Variants in PCM1 observed in about 807,000 individuals in gnomAD.
PCM1 encodes pericentriolar material 1, also known as pericentriolar material 1 protein.
Under a neutral mutation model 241.9 loss-of-function variants are expected in PCM1, and 157 were observed. The observed-to-expected ratio is 0.65, with a 90% CI of 0.57 to 0.74. The LOEUF (loss-of-function observed/expected upper bound fraction) is 0.74. Ranked by LOEUF, PCM1 falls within the 30% of genes least tolerant of loss-of-function variation. The pLI is 0.00. For missense variants in PCM1, 3,478 were observed against 2,360.1 expected, an observed-to-expected ratio of 1.47 and a Z score of -9.81; for synonymous variants, 1,085 against 784.9, an observed-to-expected ratio of 1.38 and a Z score of -6.39.
intron 2 of PCM1, chr8:17,927,692 A>C (rs991377140): frequency 1.3e-5 from 2 of 152,078 alleles, no homozygotes; most frequent in African/African-American, 2.4e-5. Flanking sequence ...CTGGGATTAC[A>C]GACGCGTGCC....
intron 24 of PCM1, chr8:17,982,402 TA>T (rs2081173507): frequency 6.6e-6 from 1 of 152,152 alleles, no homozygotes; most frequent in Non-Finnish European, 1.5e-5. Flanking sequence ...TACTGTTACT[TA>T]GTGAAATATA....
intron 29 of PCM1, 76 bp downstream of exon 29, chr8:17,993,695 A>G: frequency 7.8e-7 from 1 of 1,282,244 alleles, no homozygotes; most frequent in East Asian, 2.6e-5. Context: ...CCTTATTGTG[A>G]TAAAGTTCAA....
At chr8:17,985,894 G>T in intron 25 of PCM1, 65 bp from the exon 26 acceptor site, 1 of 1,107,214 alleles carries the variant, frequency 9.0e-7, no homozygotes, top group East Asian at 2.7e-5. Context: ...TTTTGAATCT[G>T]TAATATAAAT....
chr8:17,973,088 A>T (rs1205291983), intron 23 of PCM1, among the ~76,000 whole-genome samples: 1 of 152,142 alleles, frequency 6.6e-6, no homozygotes, highest in Non-Finnish European at 1.5e-5. Flanking sequence ...TTCTAAATAC[A>T]TTGCAGTTTT....
chr8:17,989,902 G>C lies in PCM1; in HGVS notation c.4454G>C (p.Ser1485Thr). ...TTTGAAAGAGAAACCCATAAAATAA[G>C]TGAGCAAAATGATGCTGATAATGCT... is the stretch of plus-strand genomic sequence containing the variant. ...KNFERETHKI[S>T]EQNDADNASV... Residue 1485 changes from serine (S) to threonine (T), a missense_variant, in exon 27 of 39, where the codon AGT (serine) becomes ACT (threonine). By Grantham distance (58) the Ser-to-Thr change is moderately conservative (BLOSUM62 1). Coordinates refer to ENST00000325083, the MANE Select transcript of PCM1 (RefSeq NM_006197.4). The C allele has an allele frequency of 6.5e-7, 1 of 1,546,922 alleles. No homozygotes were observed. The highest frequency in any genetic ancestry group is 2.5e-5 in the East Asian group (1 of 40,788).
intron 6 of PCM1, among the ~76,000 whole-genome samples, chr8:17,944,770 G>A (rs912097457): frequency 6.6e-6 from 1 of 151,988 alleles, no homozygotes; most frequent in Non-Finnish European, 1.5e-5. Flanking sequence ...GTTTTTTTGA[G>A]CATCAGTCTG....
intron 2 of PCM1, among the ~76,000 whole-genome samples, chr8:17,935,235 T>C (rs1168981210): frequency 6.6e-6 from 1 of 152,252 alleles, no homozygotes; most frequent in Non-Finnish European, 1.5e-5. Flanking sequence ...GATACTTTCT[T>C]TCCTGGGAGA....
chr8:17,955,793 G>A (rs1358923879), intron 10 of PCM1, 140 bp downstream of exon 10: 9 of 693,750 alleles, frequency 1.3e-5, no homozygotes, highest in South Asian at 6.9e-5. Context: ...TAGAAGAGGC[G>A]TGTGTGTGTT....
At position 17,963,279 on chromosome 8, in the gene PCM1, G is replaced by A. The variant is rs1034494406; in HGVS notation, c.2642G>A (p.Ser881Asn). 6.3e-7 allele frequency: 1 copy of A among 1,583,890 alleles called. No homozygotes were observed. The highest frequency in any genetic ancestry group is 1.4e-5 in the African/African-American group (1 of 72,950). Residue 881 changes from serine to asparagine, a missense_variant, in exon 17 of 39, where the codon AGT becomes AAT. By Grantham distance (46) the Ser-to-Asn change is conservative. Transcript: ENST00000325083. ...GSENLCTPQQ[S>N]RTEKTMATWG... ...GAGAACCTATGTACTCCTCAGCAAA[G>A]TAGAACAGAAAAGTAAGAGAGCTGC...
intron 23 of PCM1, among the ~76,000 whole-genome samples, chr8:17,975,038 C>T (rs773582483): frequency 1.3e-5 from 2 of 152,114 alleles, no homozygotes; most frequent in Non-Finnish European, 2.9e-5. Context: ...ATTAGAAATG[C>T]GTGCTTTTGG....
chr8:17,947,027 A>T (rs2064078658), intron 6 of PCM1, among the ~76,000 whole-genome samples, 159 bp from the exon 7 acceptor site: 2 of 152,022 alleles, frequency 1.3e-5, no homozygotes, highest in South Asian at 4.1e-4. Context: ...CTGTGTCATC[A>T]TTCTGTTCTT....
At chr8:17,955,074 G>T (rs2067619310) in intron 9 of PCM1, among the ~76,000 whole-genome samples, 1 of 151,980 alleles carries the variant, frequency 6.6e-6, no homozygotes, top group South Asian at 2.1e-4. Context: ...ATTCATAGTG[G>T]CCCTGTTTAA....
chr8:18,011,886 A>T, intron 34 of PCM1, 59 bp downstream of exon 34: 6 of 1,447,404 alleles, frequency 4.1e-6, no homozygotes, highest in Non-Finnish European at 3.7e-6. Flanking sequence ...TCAAACTTCC[A>T]TCAGCCTTAT....
intron 36 of PCM1, 97 bp from the exon 37 acceptor site, chr8:18,025,264 A>G: frequency 1.4e-6 from 1 of 704,206 alleles, no homozygotes; most frequent in Non-Finnish European, 2.4e-6. Context: ...AGAAAACGAA[A>G]TGTGATAGAA....
intron 9 of PCM1, among the ~76,000 whole-genome samples, chr8:17,953,665 A>G (rs544524001): frequency 6.6e-6 from 1 of 152,334 alleles, no homozygotes; most frequent in South Asian, 2.1e-4. Context: ...CAACTGCTGG[A>G]TTTATATTCA....
chr8:17,995,708 C>G lies in PCM1; in HGVS notation c.4827+2089C>G, dbSNP rs151304088. Among the ~76,000 whole-genome samples, 65 of 151,930 alleles carry G rather than the reference C, an allele frequency of 4.3e-4. 1 individual carries two copies. In the East Asian group the frequency reaches 0.011, roughly 25 times the overall value. ...TTTCCAATCCATGAACATGGAATAT[C>G]TTTCCCTTTTTGTGTCTTTTTAAAT... On this transcript the variant is annotated intron_variant, in intron 29 of 38. Transcript: ENST00000325083.
chr8:17,946,481 T>C (rs1247451462), intron 6 of PCM1, among the ~76,000 whole-genome samples: 1 of 152,076 alleles, frequency 6.6e-6, no homozygotes. Flanking sequence ...ATATTACTTC[T>C]AGTCTTTTTT....
chr8:17,950,752 G>A (rs1175703783), intron 8 of PCM1, 28 bp downstream of exon 8: 3 of 1,243,644 alleles, frequency 2.4e-6, no homozygotes, highest in Non-Finnish European at 3.5e-6. Context: ...GTATAGTTGA[G>A]TTTAAAAAAT....
chr8:17,968,019 A>T (rs2075544353), intron 21 of PCM1, among the ~76,000 whole-genome samples: 1 of 151,760 alleles, frequency 6.6e-6, no homozygotes, highest in South Asian at 2.1e-4. Flanking sequence ...ACAGTAGTGC[A>T]AATGCTGGGA....
Sources: gnomAD v4.1 joint callset for allele counts (sites outside exome capture counted in the v4.1 genomes callset) on GRCh38, gnomAD v4.1.1 for gene constraint, MANE v1.5 for transcripts, NCBI Gene and HGNC (gene_info 2026-07-23, HGNC 2026-07-21) for gene names.